The following ERG variants were observed in gnomAD, a reference collection of about 807,000 sequenced individuals.
ERG encodes ETS transcription factor ERG.
A neutral mutation model predicts 55.3 loss-of-function variants in ERG; 9 were observed. The ratio of observed to expected loss-of-function variants is 0.16; its 90% CI spans 0.10 to 0.28. ERG has a LOEUF of 0.28. Among genes scored for constraint, ERG ranks in the 10% least tolerant of loss-of-function variants. The pLI is 1.00. For synonymous variants in ERG, 223 were observed against 237.3 expected (o/e 0.94, Z 0.55); for missense variants, 434 against 631.6 (o/e 0.69, Z 3.35).
chr21:38,415,298 G>GATA (rs1989228630), intron 3 of ERG, among the ~76,000 whole-genome samples: 1 of 152,222 alleles, frequency 6.6e-6, no homozygotes, highest in African/African-American at 2.4e-5. Context: ...ATTTAAATGA[G>GATA]ATAATGCCTT....
At chr21:38,508,357 A>G (rs2146718388) in intron 2 of ERG, among the ~76,000 whole-genome samples, 1 of 152,254 alleles carries the variant, frequency 6.6e-6, no homozygotes, top group Middle Eastern at 3.4e-3. Context: ...TTCCGTCTCA[A>G]TAATTGAGCT....
At chr21:38,469,524 C>T (rs369749170) in intron 1 of ERG, among the ~76,000 whole-genome samples, 1 of 152,276 alleles carries the variant, frequency 6.6e-6, no homozygotes, top group African/African-American at 2.4e-5. Flanking sequence ...TTAGCTGCAC[C>T]TTGATTCCTG....
intron 1 of ERG, among the ~76,000 whole-genome samples, chr21:38,637,954 T>C (rs947751881): frequency 6.6e-6 from 1 of 152,222 alleles, no homozygotes; most frequent in South Asian, 2.1e-4. Context: ...AAATGTTAAC[T>C]GAGTGGATTG....
At chr21:38,398,006 G>A (rs1003353259) in intron 6 of ERG, among the ~76,000 whole-genome samples, 1 of 152,144 alleles carries the variant, frequency 6.6e-6, no homozygotes, top group African/African-American at 2.4e-5. Flanking sequence ...GAAGATCATG[G>A]CACAGCAAAC....
chr21:38,532,497 T>C (rs914888741), intron 2 of ERG, among the ~76,000 whole-genome samples: 1 of 152,234 alleles, frequency 6.6e-6, no homozygotes, highest in Non-Finnish European at 1.5e-5. Context: ...AATTCTAGTT[T>C]GGAAACACTT....
intron 2 of ERG, among the ~76,000 whole-genome samples, chr21:38,529,593 TA>T (rs1568886431): frequency 6.6e-6 from 1 of 152,298 alleles, no homozygotes; most frequent in Non-Finnish European, 1.5e-5. Flanking sequence ...CCACGTTACC[TA>T]TAGGAGGCTC....
Position 38,517,953 on chromosome 21 carries a change from C to G in ERG, c.-41+57709G>C, listed in dbSNP as rs543774353. On this transcript the variant is annotated intron_variant, in intron 2 of 8. Transcript: ENST00000398897. ...GGAATGATGGTTACCAGAGGCTGAG[C>G]AGAGAGTGGGAGTGGAGAGGAAGAG... Among the ~76,000 whole-genome samples the G allele has an allele frequency of 5.3e-5, 8 of 152,048 alleles. No homozygotes were observed. In the East Asian group the frequency reaches 1.4e-3, roughly 26 times the overall value.
intron 1 of ERG, among the ~76,000 whole-genome samples, chr21:38,473,040 G>C (rs1476713056): frequency 6.6e-6 from 1 of 152,000 alleles, no homozygotes; most frequent in African/African-American, 2.4e-5. Flanking sequence ...GAACTTCCGG[G>C]ACCTGCAAGA....
intron 1 of ERG, among the ~76,000 whole-genome samples, chr21:38,488,658 G>C (rs1439983825): frequency 6.6e-6 from 1 of 152,148 alleles, no homozygotes; most frequent in Non-Finnish European, 1.5e-5. Context: ...GGTAATCTCT[G>C]CTTGACTAAA....
In ERG at chr21:38,425,510, G is replaced by A. The variant is rs572952111; in HGVS notation, c.237-1949C>T. ...CAGTGCCTTCTTAGATGGTTAACACGTAGATGGTAAACCCAGGGTCACTGT... is the reference window on the plus strand; with the variant it reads ...CAGTGCCTTCTTAGATGGTTAACACATAGATGGTAAACCCAGGGTCACTGT... On this transcript the variant is annotated intron_variant, in intron 2 of 9. Transcript: ENST00000288319. 4.6e-3 allele frequency among the ~76,000 whole-genome samples: 699 copies of A among 152,332 alleles called. 5 individuals are homozygous for A. The highest frequency in any genetic ancestry group is 0.016 in the African/African-American group (666 of 41,560).
chr21:38,657,832 G>A (rs2146995883), intron 1 of ERG, among the ~76,000 whole-genome samples: 1 of 152,214 alleles, frequency 6.6e-6, no homozygotes, highest in Admixed American at 6.5e-5. Context: ...ATCATGCAAG[G>A]AACAGCAACA....
chr21:38,475,846 A>T (rs1053036461), intron 1 of ERG, among the ~76,000 whole-genome samples: 3 of 152,116 alleles, frequency 2.0e-5, no homozygotes, highest in Non-Finnish European at 4.4e-5. Flanking sequence ...CTCAGCACCC[A>T]TGAGCCTAGT....
intron 2 of ERG, among the ~76,000 whole-genome samples, chr21:38,549,918 G>A (rs1423621567): frequency 6.6e-6 from 1 of 152,178 alleles, no homozygotes; most frequent in Admixed American, 6.5e-5. Flanking sequence ...CCTTGGCCAT[G>A]CAGATGCCTC....
chr21:38,640,997 T>C (rs974237912), intron 1 of ERG, among the ~76,000 whole-genome samples: 1 of 152,172 alleles, frequency 6.6e-6, no homozygotes, highest in African/African-American at 2.4e-5. Context: ...ATAAAACATG[T>C]AGAAAATTTC....
chr21:38,435,915 T>C (rs1451905548), intron 2 of ERG, among the ~76,000 whole-genome samples: 1 of 152,220 alleles, frequency 6.6e-6, no homozygotes, highest in East Asian at 1.9e-4. Context: ...AAGACTCCTT[T>C]TTCAGAGAAG....
chr21:38,396,823 G>C (rs1988243603), intron 6 of ERG, among the ~76,000 whole-genome samples: 1 of 152,252 alleles, frequency 6.6e-6, no homozygotes, highest in African/African-American at 2.4e-5. Flanking sequence ...CAAAAAAGAA[G>C]GGTGTTTGTA....
At chr21:38,628,196 C>T (rs891659083) in intron 1 of ERG, among the ~76,000 whole-genome samples, 5 of 152,150 alleles carry the variant, frequency 3.3e-5, no homozygotes, top group Admixed American at 1.3e-4. Flanking sequence ...AGAATCCACT[C>T]GCCTCAGCCT....
intron 1 of ERG, among the ~76,000 whole-genome samples, chr21:38,605,098 T>C (rs2060188713): frequency 1.3e-5 from 2 of 152,182 alleles, no homozygotes; most frequent in African/African-American, 4.8e-5. Context: ...CAGTTTTTCC[T>C]ACCAAAATAC....
At chr21:38,540,807 T>C (rs1387094052) in intron 2 of ERG, among the ~76,000 whole-genome samples, 1 of 152,072 alleles carries the variant, frequency 6.6e-6, no homozygotes, top group Non-Finnish European at 1.5e-5. Context: ...AGCTGACTGG[T>C]CAACCCCAAG....
Sources: allele counts gnomAD v4.1 joint callset (sites outside exome capture counted in the v4.1 genomes callset), GRCh38; gene constraint gnomAD v4.1.1; transcripts MANE v1.5; gene names NCBI Gene and HGNC (gene_info 2026-07-23, HGNC 2026-07-21).